C5orf34: variants seen among roughly 807,000 people sequenced by gnomAD.
The protein encoded by C5orf34 is uncharacterized protein C5orf34.
C5orf34 carries 73 observed loss-of-function variants against 78.4 expected under a neutral mutation model. The ratio of observed to expected loss-of-function variants is 0.93; its 90% CI spans 0.77 to 1.13. The LOEUF is 1.13. Ranked by LOEUF, C5orf34 falls within the 50% of genes most tolerant of loss-of-function variation. The pLI is 0.00. For synonymous variants in C5orf34, 251 were observed against 246.6 expected, an observed-to-expected ratio of 1.02 and a Z score of -0.17; for missense variants, 730 against 732.7, an observed-to-expected ratio of 1.00 and a Z score of 0.04.
chr5:43,490,199 T>G (rs1296871904), intron 11 of C5orf34: 1 of 166,310 alleles, frequency 6.0e-6, no homozygotes, highest in Non-Finnish European at 1.3e-5. Context: ...TTATTTGATC[T>G]GCCAGTTAAT....
chr5:43,499,073 A>G (rs765053108), intron 6 of C5orf34, among the ~76,000 whole-genome samples: 1 of 152,242 alleles, frequency 6.6e-6, no homozygotes, highest in Non-Finnish European at 1.5e-5. Context: ...AACATACATC[A>G]TTAAGAAAAT....
In C5orf34 at chr5:43,492,863, G is replaced by A. The variant is rs559576933; in HGVS notation, c.1342C>T (p.Leu448=). Residue 448 remains leucine, a synonymous_variant, in exon 9 of 13, where the codon CTG becomes TTG. Coordinates refer to ENST00000306862, the MANE Select transcript of C5orf34 (RefSeq NM_198566.4). ...MVPGINDSNI[L]PLVLKESLIP... is the part of the protein sequence containing the mutation. ...AGTGACTCTTTCAAAACCAAAGGCA[G>A]TATATTGCTATCATTTATCCCAGGT... 75 of 1,606,718 alleles carry A rather than the reference G, an allele frequency of 4.7e-5. No homozygotes were observed. The highest frequency in any genetic ancestry group is 3.3e-4 in the Middle Eastern group (2 of 6,072).
chr5:43,501,478 GCC>G (rs1278767512), intron 6 of C5orf34, among the ~76,000 whole-genome samples: 3 of 152,142 alleles, frequency 2.0e-5, no homozygotes, highest in African/African-American at 7.2e-5. Flanking sequence ...CTAGAAATAG[GCC>G]CCAGTTGGGA....
At position 43,502,450 on chromosome 5, in the gene C5orf34, A is replaced by G. The variant is rs563114279; in HGVS notation, c.1074T>C (p.Asp358=). 1 of 1,579,170 alleles carries G rather than the reference A, an allele frequency of 6.3e-7. No individual in the cohort carries two copies. Among genetic ancestry groups the G allele is most frequent in the Non-Finnish European group, 8.7e-7 (1 of 1,149,250 alleles). Residue 358 remains aspartate, a synonymous_variant, in exon 6 of 13, where the codon GAT becomes GAC. Coordinates refer to ENST00000306862, the MANE Select transcript of C5orf34 (RefSeq NM_198566.4). ...CCCCTTCTGATTTGAAAACAGATCC[A>G]TCCCCAGAATAAATCTCTATTGAGT... is the stretch of plus-strand genomic sequence containing the variant. ...NMNSIEIYSG[D]GSVFKSEGAY... is the part of the protein sequence containing the mutation.
At position 43,492,317 on chromosome 5, in the gene C5orf34, A is replaced by G. The variant is rs753217928; in HGVS notation, c.1486-8T>C. The G allele has an allele frequency of 1.3e-6, 2 of 1,554,458 alleles. No homozygotes were observed. The highest frequency in any genetic ancestry group is 4.5e-5 in the East Asian group (2 of 44,446). ...GTTAAGACCTTGATTTACCTGAAGAAGTAGAAAGATAAGTTTTATCATTTT... is the reference window on the plus strand; with the variant it reads ...GTTAAGACCTTGATTTACCTGAAGAGGTAGAAAGATAAGTTTTATCATTTT... On this transcript the variant is annotated splice_region_variant and splice_polypyrimidine_tract_variant and intron_variant, in intron 9 of 12. Transcript: ENST00000306862.
At chr5:43,496,513 GA>G (rs141439357) in intron 6 of C5orf34, 30 of 1,317,664 alleles carry the variant, frequency 2.3e-5, no homozygotes, top group East Asian at 4.8e-5. Context: ...CCCATTGTGG[GA>G]AAAAAAAGCC....
intron 7 of C5orf34, 94 bp from the exon 8 acceptor site, chr5:43,493,706 C>A (rs1042660537): frequency 3.0e-6 from 2 of 674,556 alleles, no homozygotes; most frequent in Admixed American, 5.6e-5. Context: ...TTTAGATGAT[C>A]AGTAAATCAT....
chr5:43,512,734 GA>G (rs1378457211), intron 1 of C5orf34, among the ~76,000 whole-genome samples: 2 of 136,192 alleles, frequency 1.5e-5, no homozygotes, highest in East Asian at 2.1e-4. Context: ...ACATAACACT[GA>G]TGTCACTTTT....
At chr5:43,512,026 TAAA>T (rs11299417) in intron 1 of C5orf34, among the ~76,000 whole-genome samples, 31 of 119,518 alleles carry the variant, frequency 2.6e-4, no homozygotes, top group Admixed American at 3.3e-4. Context: ...AATGATCAAC[TAAA>T]AAAAAAAAAA....
At chr5:43,495,615 G>A in intron 6 of C5orf34, 3 of 1,607,978 alleles carry the variant, frequency 1.9e-6, no homozygotes, top group Non-Finnish European at 2.6e-6. Flanking sequence ...ATGTTGACTG[G>A]AGCAAAGGTG....
chr5:43,495,810 T>A (rs1745491987), intron 6 of C5orf34: 1 of 1,577,306 alleles, frequency 6.3e-7, no homozygotes, highest in African/African-American at 1.3e-5. Flanking sequence ...TCCTTACGGG[T>A]GGCTTTCCAT....
intron 10 of C5orf34, among the ~76,000 whole-genome samples, chr5:43,491,598 A>T (rs1745282013): frequency 6.6e-6 from 1 of 152,222 alleles, no homozygotes; most frequent in Admixed American, 6.5e-5. Context: ...AATTGGCTAG[A>T]GGATTAGTTA....
chr5:43,495,370 G>A, intron 6 of C5orf34: 1 of 1,611,776 alleles, frequency 6.2e-7, no homozygotes, highest in Non-Finnish European at 8.5e-7. Flanking sequence ...GAGCCGCGTG[G>A]CAATCCAATA....
At position 43,505,892 on chromosome 5, in the gene C5orf34, T is replaced by C. The variant is rs781441357; in HGVS notation, c.788A>G (p.Asn263Ser). 5.6e-6 allele frequency: 9 copies of C among 1,613,990 alleles called. No individual in the cohort carries two copies. The highest frequency in any genetic ancestry group is 3.3e-4 in the Middle Eastern group (2 of 6,060). Residue 263 changes from asparagine to serine, a missense_variant, in exon 4 of 13, where the codon AAT (asparagine) becomes AGT (serine). Asn to Ser is a conservative substitution (Grantham distance 46). Coordinates refer to ENST00000306862, the MANE Select transcript of C5orf34 (RefSeq NM_198566.4). ...YPLSLALHFH[N>S]KISNMSKIDA... ...AATTTTAGACATATTGCTGATTTTA[T>C]TATGAAAATGAAGTGCTAAAGACAA...
Position 43,515,091 on chromosome 5 carries a change from C to T in C5orf34, c.-322G>A, listed in dbSNP as rs1746431813. 1 of 152,220 alleles carries T rather than the reference C, an allele frequency of 6.6e-6. No individual in the cohort carries two copies. 9.4% of individuals were successfully genotyped at this position (152,220 alleles called of 1,614,324 possible). A position where few individuals can be genotyped will look rare whatever the true frequency, so the allele number is the denominator to read the frequency against. ...TGTAACCACTAAGAGAAAGCGCAAA[C>T]CGCACAAGACCAGTTCAAAACCAGC... On this transcript the variant is annotated 5_prime_UTR_variant, in exon 1 of 13. Coordinates refer to ENST00000306862, the MANE Select transcript of C5orf34 (RefSeq NM_198566.4).
In C5orf34 at chr5:43,514,922, G is replaced by C. The variant is rs1476844170; in HGVS notation, c.-153C>G. ...CGCCTGCCCACCACTGCTTCTTCAG[G>C]GGTTTCTTCAGTTTGACAAATTACC... On this transcript the variant is annotated 5_prime_UTR_variant, in exon 1 of 13. Transcript: ENST00000306862. 1.3e-5 allele frequency: 2 copies of C among 152,170 alleles called. No individual in the cohort carries two copies. The highest frequency in any genetic ancestry group is 4.2e-4 in the South Asian group (2 of 4,810). The allele number at this position is 152,170 out of a possible 1,614,324, so 9.4% of individuals were successfully genotyped here. A position where few individuals can be genotyped will look rare whatever the true frequency, so the allele number is the denominator to read the frequency against.
intron 6 of C5orf34, chr5:43,495,039 T>C (rs1745443498): frequency 7.0e-7 from 1 of 1,425,386 alleles, no homozygotes; most frequent in South Asian, 1.2e-5. Context: ...CCACCACTGA[T>C]TAAGAGTTGG....
chr5:43,496,382 CAGT>C (rs1200931136), intron 6 of C5orf34: 1 of 1,594,532 alleles, frequency 6.3e-7, no homozygotes, highest in Non-Finnish European at 8.5e-7. Flanking sequence ...GTCAGATGGC[CAGT>C]AGTGGTGGAC....
Position 43,509,168 on chromosome 5 carries a change from G to A in C5orf34, c.172C>T (p.His58Tyr), listed in dbSNP as rs1399047740. Residue 58 changes from histidine (H) to tyrosine (Y), a missense_variant, in exon 2 of 13, where the codon CAT (histidine) becomes TAT (tyrosine). Physicochemically the swap from His to Tyr is moderately conservative, Grantham distance 83 (BLOSUM62 2). Transcript: ENST00000306862. ...ACTCTGTAAGTGCTAATGACAAAAT[G>A]TGTCCTTTGACGAATTCTTTCTGGT... ...EQPERIRQRTHFVISTYREQL... is the reference protein window; with the variant it reads ...EQPERIRQRTYFVISTYREQL... 1 of 1,613,256 alleles carries A rather than the reference G, an allele frequency of 6.2e-7. No homozygotes were observed. The highest frequency in any genetic ancestry group is 1.1e-5 in the South Asian group (1 of 90,838).
Sources: allele counts gnomAD v4.1 joint callset (sites outside exome capture counted in the v4.1 genomes callset), GRCh38; gene constraint gnomAD v4.1.1; transcripts MANE v1.5; gene names NCBI Gene and HGNC (gene_info 2026-07-23, HGNC 2026-07-21).